NRL: variants seen among roughly 807,000 people sequenced by gnomAD.
NRL encodes the protein neural retina leucine zipper.
A neutral mutation model predicts 12.5 loss-of-function variants in NRL; 16 were observed. The observed-to-expected ratio is 1.28, with a 90% CI of 0.87 to 1.95. The LOEUF is 1.95. NRL is among the 30% of genes most tolerant of loss of function. NRL has a pLI of 0.00. For synonymous variants in NRL, 142 were observed against 150.9 expected (o/e 0.94, Z 0.43); for missense variants, 314 against 325.8 (o/e 0.96, Z 0.28).
intron 1 of NRL, among the ~76,000 whole-genome samples, chr14:24,112,344 G>A (rs1430131297): frequency 6.7e-6 from 1 of 150,364 alleles, no homozygotes; most frequent in Non-Finnish European, 1.5e-5. Flanking sequence ...GAATGATGCT[G>A]GCCTCATAAA....
rs2036263233 is a variant in NRL, at chr14:24,080,994, C to T, written c.*242G>A. On this transcript the variant is annotated 3_prime_UTR_variant, in exon 3 of 3. Coordinates refer to ENST00000561028, the MANE Select transcript of NRL (RefSeq NM_001354768.3). ...ACTGGTCCCTGCAGAGCTCAGCGTG[C>T]TAGTCATGTGGGCTGGGTTTCTGTG... 2.6e-6 allele frequency: 1 copy of T among 382,844 alleles called. No individual in the cohort carries two copies. The highest frequency in any genetic ancestry group is 3.9e-5 in the East Asian group (1 of 25,534). The allele number at this position is 382,844 out of a possible 1,614,324, so 23.7% of individuals were successfully genotyped here. A position where few individuals can be genotyped will look rare whatever the true frequency, so the allele number is the denominator to read the frequency against.
chr14:24,099,074 C>T (rs1367302506), intron 1 of NRL: 2 of 1,606,074 alleles, frequency 1.2e-6, no homozygotes, highest in Non-Finnish European at 8.5e-7. Context: ...AGTGGCCGTG[C>T]AACCCAGAGA....
intron 1 of NRL, chr14:24,100,202 C>T: frequency 6.2e-7 from 1 of 1,614,178 alleles, no homozygotes; most frequent in Non-Finnish European, 8.5e-7. Flanking sequence ...CTGGGCAAAC[C>T]CTGGAAACCT....
At chr14:24,099,173 C>T (rs200826292) in intron 1 of NRL, 168 of 1,609,338 alleles carry the variant, frequency 1.0e-4, no homozygotes, top group Non-Finnish European at 1.3e-4. Flanking sequence ...GCAAGAAGTG[C>T]TTTGCCCTAC....
Position 24,080,287 on chromosome 14 carries a change from G to A in NRL, c.*949C>T, listed in dbSNP as rs775281644. 6.6e-6 allele frequency: 1 copy of A among 152,222 alleles called. No individual in the cohort carries two copies. Among genetic ancestry groups the A allele is most frequent in the Non-Finnish European group, 1.5e-5 (1 of 68,058 alleles). The allele number at this position is 152,222 out of a possible 1,614,324, so 9.4% of individuals were successfully genotyped here. A position where few individuals can be genotyped will look rare whatever the true frequency, so the allele number is the denominator to read the frequency against. ...CAGGAGCACCCTGTGCAGGTCTGGA[G>A]GCCCAGACAGCCTGGAGGGAGCTGC... is the stretch of plus-strand genomic sequence containing the variant. On this transcript the variant is annotated 3_prime_UTR_variant, in exon 3 of 3. Coordinates refer to ENST00000561028, the MANE Select transcript of NRL (RefSeq NM_001354768.3).
rs2036766611 is a variant in NRL at position 24,094,514 on chromosome 14, C to T, written c.-27-11639G>A. 6.9e-7 allele frequency: 1 copy of T among 1,456,408 alleles called. No homozygotes were observed. Among genetic ancestry groups the T allele is most frequent in the East Asian group, 2.5e-5 (1 of 39,618 alleles). 90.2% of individuals were successfully genotyped at this position (1,456,408 alleles called of 1,614,324 possible). ...CGGGGCTGCCAGTGGCGCTCTCCTG[C>T]TCTCAGCCTCCGCCAGGTTTCCCAT... On this transcript the variant is annotated intron_variant, in intron 1 of 2. Coordinates refer to ENST00000561028, the MANE Select transcript of NRL (RefSeq NM_001354768.3). The surrounding 1 kb of genome is among the most constrained non-coding windows in gnomAD (Gnocchi z 4.1).
At chr14:24,111,658 C>T (rs1043212027) in intron 1 of NRL, among the ~76,000 whole-genome samples, 31 of 152,244 alleles carry the variant, frequency 2.0e-4, no homozygotes, top group East Asian at 7.7e-4. Context: ...TGAGCCACCG[C>T]GCCCGGCCAA....
At position 24,081,901 on chromosome 14, in the gene NRL, C is replaced by T; in HGVS notation, c.382-333G>A. On this transcript the variant is annotated intron_variant, in intron 2 of 2. Transcript: ENST00000561028. This position sits in a 1 kb window ranked among gnomAD's most constrained non-coding sequence, Gnocchi z 4.4. ...TCCAGGCCCGGGTGTGTCCAGTGGA[C>T]CCGCACCCAGACAGCCCCCAACCCT... is the stretch of plus-strand genomic sequence containing the variant. 1 of 1,310,904 alleles carries T rather than the reference C, an allele frequency of 7.6e-7. No individual in the cohort carries two copies. The highest frequency in any genetic ancestry group is 1.5e-5 in the African/African-American group (1 of 65,110). The allele number at this position is 1,310,904 out of a possible 1,614,324, so 81.2% of individuals were successfully genotyped here. A position where few individuals can be genotyped will look rare whatever the true frequency, so the allele number is the denominator to read the frequency against.
At chr14:24,107,926 G>A (rs2037363410) in intron 1 of NRL, among the ~76,000 whole-genome samples, 1 of 152,068 alleles carries the variant, frequency 6.6e-6, no homozygotes, top group African/African-American at 2.4e-5. Context: ...ATTATCCTTT[G>A]AAAAGGTAAC....
At chr14:24,086,103 G>A (rs1457513671) in intron 1 of NRL, among the ~76,000 whole-genome samples, 1 of 152,172 alleles carries the variant, frequency 6.6e-6, no homozygotes, top group East Asian at 1.9e-4. Context: ...TGTAATGCCA[G>A]CTACTCCTAC....
intron 1 of NRL, among the ~76,000 whole-genome samples, chr14:24,109,154 G>A (rs1299460864): frequency 6.6e-6 from 1 of 152,214 alleles, no homozygotes. Context: ...TGCAACTGGA[G>A]AGAGTAGAGG....
Position 24,094,652 on chromosome 14 carries a change from C to T in NRL, c.-27-11777G>A. ...CGTTTCCGCCTGCACCTCCCCTTCT[C>T]TGCCTCGCTCGCCTCTGACCGCGCG... is the stretch of plus-strand genomic sequence containing the variant. On this transcript the variant is annotated intron_variant, in intron 1 of 2. Transcript: ENST00000561028. This position sits in a 1 kb window ranked among gnomAD's most constrained non-coding sequence, Gnocchi z 4.1. 1 of 1,499,582 alleles carries T rather than the reference C, an allele frequency of 6.7e-7. No homozygotes were observed. The highest frequency in any genetic ancestry group is 2.1e-5 in the Admixed American group (1 of 48,534). 92.9% of individuals were successfully genotyped at this position (1,499,582 alleles called of 1,614,324 possible). A position where few individuals can be genotyped will look rare whatever the true frequency, so the allele number is the denominator to read the frequency against.
rs1594277880 is a variant in NRL, at chr14:24,094,375, C to A, written c.-27-11500G>T. The stretch of plus-strand genomic sequence containing the variant: ...ATACCTCCCCGGCTCCGCTCGGTTC[C>A]TGGCCACCCCGCAGCCCCTGCCCAG... On this transcript the variant is annotated intron_variant, in intron 1 of 2. Transcript: ENST00000561028. The surrounding 1 kb of genome is among the most constrained non-coding windows in gnomAD (Gnocchi z 4.1). 1 of 1,542,900 alleles carries A rather than the reference C, an allele frequency of 6.5e-7. No homozygotes were observed. The highest frequency in any genetic ancestry group is 2.5e-5 in the East Asian group (1 of 40,232).
At chr14:24,095,165 G>C in intron 1 of NRL, 1 of 456,096 alleles carries the variant, frequency 2.2e-6, no homozygotes, top group Non-Finnish European at 4.4e-6. Context: ...AGTCGGAAGT[G>C]ACCCACATCT....
chr14:24,114,774 G>C lies in NRL; in HGVS notation c.-80C>G, dbSNP rs898062450. On this transcript the variant is annotated 5_prime_UTR_variant, in exon 1 of 3. Transcript: ENST00000561028. The stretch of plus-strand genomic sequence containing the variant: ...GTTGGCTGGCCAAGGGGGCGGGGCC[G>C]TCGTGTGACGTTTGCAGCCCGCCGG... 159 of 985,824 alleles carry C rather than the reference G, an allele frequency of 1.6e-4. No individual in the cohort carries two copies. Among genetic ancestry groups the C allele is most frequent in the Non-Finnish European group, 1.9e-4 (155 of 829,958 alleles). The allele number at this position is 985,824 out of a possible 1,614,324, so 61.1% of individuals were successfully genotyped here.
chr14:24,103,822 A>T, intron 1 of NRL: 3 of 1,614,104 alleles, frequency 1.9e-6, no homozygotes, highest in Non-Finnish European at 2.5e-6. Flanking sequence ...GACACCACTC[A>T]GCTGTTCTCC....
chr14:24,092,139 A>C (rs536863604), intron 1 of NRL, among the ~76,000 whole-genome samples: 1 of 152,228 alleles, frequency 6.6e-6, no homozygotes, highest in Non-Finnish European at 1.5e-5. Context: ...CATAAACATT[A>C]TTCTTCTCTC....
At chr14:24,083,704 A>T (rs1456538152) in intron 1 of NRL, among the ~76,000 whole-genome samples, 2 of 152,196 alleles carry the variant, frequency 1.3e-5, no homozygotes, top group Non-Finnish European at 2.9e-5. Context: ...GTTCTCTAGA[A>T]CACTGATTCT....
At chr14:24,109,483 CAGG>C (rs994391925) in intron 1 of NRL, among the ~76,000 whole-genome samples, 1 of 152,056 alleles carries the variant, frequency 6.6e-6, no homozygotes, top group African/African-American at 2.4e-5. Context: ...ATCATGAGGT[CAGG>C]AGATCGAGAC....
Sources: allele counts gnomAD v4.1 joint callset (sites outside exome capture counted in the v4.1 genomes callset), GRCh38; gene constraint gnomAD v4.1.1; non-coding constraint Gnocchi (gnomAD v3.1); transcripts MANE v1.5; gene names NCBI Gene and HGNC (gene_info 2026-07-23, HGNC 2026-07-21).